SLC2A13: variants seen among roughly 807,000 people sequenced by gnomAD.
SLC2A13 encodes the protein proton myo-inositol cotransporter.
Under a neutral mutation model 64.4 loss-of-function variants are expected in SLC2A13, and 32 were observed. The observed-to-expected ratio is 0.50, with a 90% CI of 0.37 to 0.67. SLC2A13 has a LOEUF of 0.67. SLC2A13 is among the 30% of genes least tolerant of loss of function. SLC2A13 has a pLI of 0.00. For synonymous variants in SLC2A13, 338 were observed against 327.1 expected (o/e 1.03, Z -0.36); for missense variants, 743 against 829.2 (o/e 0.90, Z 1.28).
At chr12:39,782,968 C>T (rs905121943) in intron 7 of SLC2A13, among the ~76,000 whole-genome samples, 2 of 151,868 alleles carry the variant, frequency 1.3e-5, no homozygotes, top group Non-Finnish European at 2.9e-5. Context: ...TGTGCTGCAC[C>T]CATTAACTCG....
At chr12:39,893,311 T>C (rs1487251296) in intron 4 of SLC2A13, among the ~76,000 whole-genome samples, 1 of 152,250 alleles carries the variant, frequency 6.6e-6, no homozygotes, top group Admixed American at 6.5e-5. Flanking sequence ...CTCTTTTCTT[T>C]TCTTTTGAGA....
chr12:39,896,540 G>T (rs1387137642), intron 4 of SLC2A13, among the ~76,000 whole-genome samples: 1 of 142,046 alleles, frequency 7.0e-6, no homozygotes, highest in Non-Finnish European at 1.5e-5. Context: ...ATGTATGTAT[G>T]TATGTGTGTA....
chr12:39,759,954 C>A lies in SLC2A13; in HGVS notation c.*72G>T. On this transcript the variant is annotated 3_prime_UTR_variant, in exon 10 of 10. Coordinates refer to ENST00000280871, the MANE Select transcript of SLC2A13 (RefSeq NM_052885.4). ...GGAAAGAACCAGATTAGAAGCAGGG[C>A]AGTGAAGTCACCAATTGCTGTTCTT... The A allele has an allele frequency of 9.1e-7, 1 of 1,104,822 alleles. No homozygotes were observed. The highest frequency in any genetic ancestry group is 1.4e-6 in the Non-Finnish European group (1 of 737,754). 68.4% of individuals were successfully genotyped at this position (1,104,822 alleles called of 1,614,324 possible). A position where few individuals can be genotyped will look rare whatever the true frequency, so the allele number is the denominator to read the frequency against.
chr12:40,042,326 C>T (rs1948102318), intron 2 of SLC2A13, among the ~76,000 whole-genome samples: 1 of 151,858 alleles, frequency 6.6e-6, no homozygotes, highest in Admixed American at 6.6e-5. Flanking sequence ...ATACCTATCC[C>T]TATTAATACA....
chr12:39,965,666 A>C (rs1037116580), intron 3 of SLC2A13, among the ~76,000 whole-genome samples: 1 of 152,182 alleles, frequency 6.6e-6, no homozygotes, highest in Non-Finnish European at 1.5e-5. Flanking sequence ...ATGTATTATA[A>C]AGATTAGTTC....
chr12:39,809,235 A>G (rs1487751593), intron 7 of SLC2A13, among the ~76,000 whole-genome samples: 1 of 152,052 alleles, frequency 6.6e-6, no homozygotes, highest in Non-Finnish European at 1.5e-5. Context: ...GCATATATGG[A>G]TCTATTTCTG....
intron 1 of SLC2A13, among the ~76,000 whole-genome samples, chr12:40,081,906 G>A (rs1033519212): frequency 6.6e-6 from 1 of 152,168 alleles, no homozygotes; most frequent in Non-Finnish European, 1.5e-5. Context: ...TATAAGCTGG[G>A]TATAAATTGA....
At chr12:39,838,490 A>AT (rs767120420) in intron 6 of SLC2A13, among the ~76,000 whole-genome samples, 32 of 118,890 alleles carry the variant, frequency 2.7e-4, no homozygotes, top group Middle Eastern at 8.0e-3. Flanking sequence ...TTAAAGTATA[A>AT]TAAAAAAAAA....
chr12:39,901,355 C>T (rs1404260133), intron 4 of SLC2A13, among the ~76,000 whole-genome samples: 1 of 151,286 alleles, frequency 6.6e-6, no homozygotes, highest in Non-Finnish European at 1.5e-5. Context: ...TCTAATTAAA[C>T]TAAAGAGCTT....
intron 4 of SLC2A13, among the ~76,000 whole-genome samples, chr12:39,938,305 T>C (rs1459038840): frequency 6.6e-6 from 1 of 152,128 alleles, no homozygotes; most frequent in Non-Finnish European, 1.5e-5. Context: ...AGTAGGTGTG[T>C]TGGGTTTGGA....
At chr12:39,942,725 T>G (rs1196925746) in intron 4 of SLC2A13, among the ~76,000 whole-genome samples, 1 of 152,156 alleles carries the variant, frequency 6.6e-6, no homozygotes, top group Non-Finnish European at 1.5e-5. Flanking sequence ...TCGGAGGAGT[T>G]TGTTATTATC....
At chr12:39,805,420 A>G (rs767728674) in intron 7 of SLC2A13, among the ~76,000 whole-genome samples, 2 of 151,852 alleles carry the variant, frequency 1.3e-5, no homozygotes, top group Non-Finnish European at 1.5e-5. Context: ...AGGAAGTGGG[A>G]ATCTGGGTAC....
chr12:39,779,637 CATTGTAAGCCTCAGAGAAGACAT>C (rs1008889522), intron 7 of SLC2A13, among the ~76,000 whole-genome samples: 13 of 152,228 alleles, frequency 8.5e-5, no homozygotes, highest in African/African-American at 3.1e-4. Flanking sequence ...TTCTTCACTA[CATTGTAAGCCTCAGAGAAGACAT>C]ATATTTGCTG....
At chr12:39,762,446 C>T (rs1258924514) in intron 9 of SLC2A13, among the ~76,000 whole-genome samples, 1 of 122,210 alleles carries the variant, frequency 8.2e-6, no homozygotes, top group Non-Finnish European at 1.8e-5. Context: ...TGACATAATG[C>T]CCCCCAAGGG....
chr12:40,055,791 A>AT (rs1356575708), intron 1 of SLC2A13, among the ~76,000 whole-genome samples: 1 of 151,982 alleles, frequency 6.6e-6, no homozygotes. Flanking sequence ...AACTGTCAGT[A>AT]TTTTTTTCTA....
chr12:39,933,314 C>T (rs1484270758), intron 4 of SLC2A13, among the ~76,000 whole-genome samples: 1 of 152,192 alleles, frequency 6.6e-6, no homozygotes, highest in East Asian at 1.9e-4. Context: ...CTCTGTGGAA[C>T]ATGGCTTATG....
chr12:40,067,562 C>T (rs1937781877), intron 1 of SLC2A13, among the ~76,000 whole-genome samples: 1 of 152,068 alleles, frequency 6.6e-6, no homozygotes, highest in Non-Finnish European at 1.5e-5. Context: ...TTTATACAGA[C>T]ATGCTAATTC....
intron 4 of SLC2A13, among the ~76,000 whole-genome samples, chr12:39,882,765 TC>T (rs143321227): frequency 0.071 from 10,836 of 152,260 alleles, 528 homozygotes; most frequent in Middle Eastern, 0.11. Context: ...TCTTCTAAAT[TC>T]CTTCTACATT....
intron 7 of SLC2A13, among the ~76,000 whole-genome samples, chr12:39,779,800 T>A (rs1337573043): frequency 1.3e-5 from 2 of 152,252 alleles, no homozygotes; most frequent in Non-Finnish European, 2.9e-5. Context: ...TCCTAAGCTT[T>A]AAAAATTTCA....
Sources: gnomAD v4.1 joint callset for allele counts (sites outside exome capture counted in the v4.1 genomes callset) on GRCh38, gnomAD v4.1.1 for gene constraint, MANE v1.5 for transcripts, NCBI Gene and HGNC (gene_info 2026-07-23, HGNC 2026-07-21) for gene names.